The following ANKRD29 variants were observed in gnomAD, a reference collection of about 807,000 sequenced individuals.
The protein encoded by ANKRD29 is ankyrin repeat domain 29.
Under a neutral mutation model 38.0 loss-of-function variants are expected in ANKRD29, and 32 were observed. That is an observed-to-expected ratio of 0.84 (90% CI 0.64 to 1.13). ANKRD29 has a LOEUF of 1.13. ANKRD29 is among the 50% of genes most tolerant of loss of function. The pLI, the probability that ANKRD29 is intolerant of heterozygous loss-of-function variation, is 0.00. For synonymous variants in ANKRD29, 135 were observed against 152.4 expected (o/e 0.89, Z 0.84); for missense variants, 357 against 377.9 (o/e 0.94, Z 0.46).
chr18:23,636,435 A>T lies in ANKRD29; in HGVS notation c.331-2286T>A, dbSNP rs184538087. Among the ~76,000 whole-genome samples, 250 of 151,568 alleles carry T rather than the reference A, an allele frequency of 1.6e-3. 1 individual carries two copies. The highest frequency in any genetic ancestry group is 5.7e-3 in the African/African-American group (237 of 41,308). ...CATCACAATACCTGACTAATTTTTT[A>T]AAAAATGTTTTATAGAGATAGGGTC... On this transcript the variant is annotated intron_variant, in intron 4 of 9. Coordinates refer to ENST00000592179, the MANE Select transcript of ANKRD29 (RefSeq NM_173505.4).
At chr18:23,660,563 T>C (rs2060346123) in intron 1 of ANKRD29, among the ~76,000 whole-genome samples, 3 of 152,158 alleles carry the variant, frequency 2.0e-5, no homozygotes, top group African/African-American at 7.2e-5. Flanking sequence ...TCCCAGCACT[T>C]TGGGAGGCTG....
chr18:23,646,459 A>G, intron 2 of ANKRD29, 172 bp from the exon 3 acceptor site: 1 of 487,616 alleles, frequency 2.1e-6, no homozygotes, highest in Non-Finnish European at 3.6e-6. Flanking sequence ...TAGATGGGAA[A>G]AAGCAAAGTG....
chr18:23,628,679 C>T (rs899049682), intron 6 of ANKRD29, among the ~76,000 whole-genome samples: 1 of 151,932 alleles, frequency 6.6e-6, no homozygotes, highest in Non-Finnish European at 1.5e-5. Context: ...TGTATCTCTA[C>T]TAAAAATACA....
In ANKRD29 at chr18:23,620,187, C is replaced by T. The variant is rs368153198; in HGVS notation, c.529-558G>A. ...GCGGGTCAGAGAACTCAAGTCATTTCTCCTACTCTTCTAGTCTGGTGTCCA... is the reference window on the plus strand; with the variant it reads ...GCGGGTCAGAGAACTCAAGTCATTTTTCCTACTCTTCTAGTCTGGTGTCCA... On this transcript the variant is annotated intron_variant, in intron 6 of 9. Coordinates refer to ENST00000592179, the MANE Select transcript of ANKRD29 (RefSeq NM_173505.4). 3.9e-5 allele frequency among the ~76,000 whole-genome samples: 6 copies of T among 152,136 alleles called. No individual in the cohort carries two copies. The East Asian group carries it at 7.7e-4, about 20-fold the overall frequency.
intron 1 of ANKRD29, among the ~76,000 whole-genome samples, chr18:23,658,311 G>A (rs1386625011): frequency 6.6e-6 from 1 of 152,180 alleles, no homozygotes; most frequent in Non-Finnish European, 1.5e-5. Context: ...GGGAGACTGA[G>A]GCAGGAGGAT....
chr18:23,617,061 A>T (rs1251591129), intron 8 of ANKRD29, among the ~76,000 whole-genome samples: 1 of 152,036 alleles, frequency 6.6e-6, no homozygotes, highest in Non-Finnish European at 1.5e-5. Context: ...TCTACTAAAA[A>T]TACAAAAAGC....
intron 3 of ANKRD29, among the ~76,000 whole-genome samples, chr18:23,645,597 C>T (rs1266659361): frequency 6.6e-6 from 1 of 152,174 alleles, no homozygotes; most frequent in Non-Finnish European, 1.5e-5. Context: ...AGACTCCCTT[C>T]TGCTTCTCTA....
chr18:23,627,817 A>G (rs533813035), intron 6 of ANKRD29, among the ~76,000 whole-genome samples: 8 of 152,350 alleles, frequency 5.3e-5, no homozygotes, highest in Non-Finnish European at 1.2e-4. Context: ...TAATTTTAGT[A>G]AAATGAATCA....
At position 23,610,215 on chromosome 18, in the gene ANKRD29, C is replaced by T. The variant is rs560016709; in HGVS notation, c.822+1877G>A. ...GTTTATGGCTGGGCGCAGTGGCTCA[C>T]GCCTGTAATCCCAGCACTTTGGGAG... On this transcript the variant is annotated intron_variant, in intron 9 of 9. Coordinates refer to ENST00000592179, the MANE Select transcript of ANKRD29 (RefSeq NM_173505.4). Among the ~76,000 whole-genome samples, 46 of 152,324 alleles carry T rather than the reference C, an allele frequency of 3.0e-4. No individual in the cohort carries two copies. In the South Asian group the frequency reaches 9.1e-3, roughly 30 times the overall value.
intron 1 of ANKRD29, among the ~76,000 whole-genome samples, chr18:23,662,468 C>T (rs2145749128): frequency 1.3e-5 from 2 of 152,264 alleles, no homozygotes; most frequent in South Asian, 4.1e-4. Flanking sequence ...CTCAGCCGAT[C>T]CACAGCCATG....
chr18:23,622,161 G>C (rs1015533593), intron 6 of ANKRD29, among the ~76,000 whole-genome samples: 1 of 152,218 alleles, frequency 6.6e-6, no homozygotes, highest in South Asian at 2.1e-4. Flanking sequence ...AGGTCTTGAA[G>C]AAGGACCAGG....
At chr18:23,620,647 G>C (rs2059785599) in intron 6 of ANKRD29, among the ~76,000 whole-genome samples, 1 of 152,198 alleles carries the variant, frequency 6.6e-6, no homozygotes, top group African/African-American at 2.4e-5. Context: ...CATCAGGTCA[G>C]TTATGGGGAA....
rs545241112 is a variant in ANKRD29 at position 23,654,397 on chromosome 18, A to T, written c.22-5204T>A. On this transcript the variant is annotated intron_variant, in intron 1 of 9. Coordinates refer to ENST00000592179, the MANE Select transcript of ANKRD29 (RefSeq NM_173505.4). ...CACTTTAGGAGGCTGAGGTAGGCAG[A>T]TCACTTGAGCTCAGGAGTTCGAGAC... Among the ~76,000 whole-genome samples, 35 of 152,066 alleles carry T rather than the reference A, an allele frequency of 2.3e-4. 1 individual carries two copies. The Middle Eastern group carries it at 0.01, about 44-fold the overall frequency.
intron 8 of ANKRD29, among the ~76,000 whole-genome samples, chr18:23,612,413 A>G (rs1281484992): frequency 6.6e-6 from 1 of 152,232 alleles, no homozygotes; most frequent in African/African-American, 2.4e-5. Flanking sequence ...TTACAAGTGA[A>G]ATAAGGAATA....
At chr18:23,659,479 T>C (rs764566203) in intron 1 of ANKRD29, among the ~76,000 whole-genome samples, 1 of 152,134 alleles carries the variant, frequency 6.6e-6, no homozygotes, top group Non-Finnish European at 1.5e-5. Flanking sequence ...GTGCGGTGGC[T>C]TATGCCTGTA....
At chr18:23,626,475 TA>T (rs534012506) in intron 6 of ANKRD29, among the ~76,000 whole-genome samples, 217 of 152,290 alleles carry the variant, frequency 1.4e-3, no homozygotes, top group African/African-American at 5.0e-3. Flanking sequence ...AGCTAGTGAT[TA>T]AAAAGGTCTG....
chr18:23,620,900 GGGAAGGCAA>G (rs2059789218), intron 6 of ANKRD29, among the ~76,000 whole-genome samples: 1 of 152,118 alleles, frequency 6.6e-6, no homozygotes, highest in Non-Finnish European at 1.5e-5. Flanking sequence ...GCCTGGTGTC[GGGAAGGCAA>G]GGCCACAGTG....
At chr18:23,636,579 TA>T (rs1467022499) in intron 4 of ANKRD29, among the ~76,000 whole-genome samples, 9 of 151,852 alleles carry the variant, frequency 5.9e-5, no homozygotes, top group East Asian at 5.9e-4. Flanking sequence ...TTGATTTAAT[TA>T]AAAAAATTTT....
intron 2 of ANKRD29, chr18:23,648,840 G>T (rs1303558659): frequency 1.4e-5 from 6 of 435,640 alleles, no homozygotes; most frequent in Non-Finnish European, 2.4e-5. Context: ...TCCCAGTGAA[G>T]TGCCTCTTTC....
Sources: gnomAD v4.1 joint callset for allele counts (sites outside exome capture counted in the v4.1 genomes callset) on GRCh38, gnomAD v4.1.1 for gene constraint, MANE v1.5 for transcripts, NCBI Gene and HGNC (gene_info 2026-07-23, HGNC 2026-07-21) for gene names.